The following SPAG9 variants were observed in gnomAD, a reference collection of about 807,000 sequenced individuals.
SPAG9 encodes the protein sperm associated antigen 9, also known as C-Jun-amino-terminal kinase-interacting protein 4.
Under a neutral mutation model 166.5 loss-of-function variants are expected in SPAG9, and 35 were observed. The observed-to-expected ratio is 0.21, with a 90% confidence interval of 0.16 to 0.28. The LOEUF is 0.28. Ranked by LOEUF, SPAG9 falls within the 10% of genes least tolerant of loss-of-function variation. The pLI is 1.00. For synonymous variants in SPAG9, 534 were observed against 565.5 expected (o/e 0.94, Z 0.79); for missense variants, 1,235 against 1,603.3 (o/e 0.77, Z 3.92).
intron 5 of SPAG9, among the ~76,000 whole-genome samples, chr17:51,036,695 T>A (rs898692536): frequency 2.0e-5 from 3 of 152,086 alleles, no homozygotes; most frequent in African/African-American, 7.2e-5. Context: ...GGGATGTCCT[T>A]AATGTTGCTG....
At chr17:51,012,980 C>T (rs1053074428) in intron 9 of SPAG9, among the ~76,000 whole-genome samples, 2 of 152,100 alleles carry the variant, frequency 1.3e-5, no homozygotes, top group South Asian at 2.1e-4. Context: ...ATCCACTTGC[C>T]TTGGCCTCCC....
At chr17:51,086,961 A>C (rs1315668943) in intron 1 of SPAG9, among the ~76,000 whole-genome samples, 1 of 152,170 alleles carries the variant, frequency 6.6e-6, no homozygotes, top group African/African-American at 2.4e-5. Flanking sequence ...ATAAAATGCT[A>C]ATCACTAATA....
intron 4 of SPAG9, among the ~76,000 whole-genome samples, chr17:51,043,458 T>C (rs1380600014): frequency 1.3e-5 from 2 of 152,212 alleles, no homozygotes; most frequent in Non-Finnish European, 2.9e-5. Context: ...TGACTGACCC[T>C]TATTTTAAAT....
chr17:50,995,016 TA>T, intron 18 of SPAG9, 40 bp downstream of exon 18: 1 of 1,513,784 alleles, frequency 6.6e-7, no homozygotes, highest in Non-Finnish European at 9.0e-7. Flanking sequence ...GTTAAACTCA[TA>T]GTCTCATAAA....
intron 24 of SPAG9, among the ~76,000 whole-genome samples, chr17:50,983,938 CCTAA>C (rs1028770026): frequency 1.3e-5 from 2 of 152,158 alleles, no homozygotes; most frequent in African/African-American, 4.8e-5. Context: ...TACAAAAGCA[CCTAA>C]CTGTCATCTA....
At position 51,119,511 on chromosome 17, in the gene SPAG9, G is replaced by C. The variant is rs62063016; in HGVS notation, c.303+843C>G. On this transcript the variant is annotated intron_variant, in intron 1 of 29. Coordinates refer to ENST00000262013, the MANE Select transcript of SPAG9 (RefSeq NM_001130528.3). ...AGAACTCCAAAAGGTTCACAGAGTC[G>C]AGGTGAGGGCGCCCAGGTCACTGCT... Among the ~76,000 whole-genome samples, 385 of 152,250 alleles carry C rather than the reference G, an allele frequency of 2.5e-3. 2 individuals carry two copies. The highest frequency in any genetic ancestry group is 3.7e-3 in the Admixed American group (57 of 15,278).
chr17:50,977,290 T>C, intron 26 of SPAG9, 69 bp from the exon 27 acceptor site: 1 of 954,068 alleles, frequency 1.0e-6, no homozygotes, highest in Non-Finnish European at 1.7e-6. Context: ...CCAAGTTCCT[T>C]AGAAGTAGCA....
At position 51,014,225 on chromosome 17, in the gene SPAG9, A is replaced by C. The variant is rs2045607693; in HGVS notation, c.1213+7T>G. The C allele has an allele frequency of 1.2e-6, 2 of 1,605,436 alleles. No homozygotes were observed. Among genetic ancestry groups the C allele is most frequent in the South Asian group, 2.2e-5 (2 of 89,188 alleles). Reference sequence around the variant, plus strand: ...AGTATGATATTTCTTCAGATGAGCTATCATACCTAGTAAATCTGCTCCTTC... The same window carrying C: ...AGTATGATATTTCTTCAGATGAGCTCTCATACCTAGTAAATCTGCTCCTTC... On this transcript the variant is annotated splice_region_variant and intron_variant, in intron 9 of 29. Coordinates refer to ENST00000262013, the MANE Select transcript of SPAG9 (RefSeq NM_001130528.3).
chr17:51,108,355 C>A (rs1052222778), intron 1 of SPAG9, among the ~76,000 whole-genome samples: 1 of 147,980 alleles, frequency 6.8e-6, no homozygotes, highest in Non-Finnish European at 1.5e-5. Context: ...CCACTACACT[C>A]CAGCCTAGGT....
chr17:51,117,501 G>A (rs1455923178), intron 1 of SPAG9, among the ~76,000 whole-genome samples: 2 of 151,764 alleles, frequency 1.3e-5, no homozygotes, highest in Non-Finnish European at 2.9e-5. Flanking sequence ...CACGAGGTCA[G>A]GAGATTGAGA....
chr17:51,120,533 A>G lies in SPAG9; in HGVS notation c.124T>C (p.Tyr42His). Reference sequence around the variant, plus strand: ...AGCTCTTTGACCACCTCCTCGTCATAGCGCCCGATAAGCCGCTCGAACTCG... The same window carrying G: ...AGCTCTTTGACCACCTCCTCGTCATGGCGCCCGATAAGCCGCTCGAACTCG... ...YREFERLIGR[Y>H]DEEVVKELMP... The change falls in exon 1 of 30, where the codon TAT (tyrosine) becomes CAT (histidine). Residue 42 changes from tyrosine to histidine, a missense_variant. Around this residue, in one of 6 missense-constraint regions of SPAG9, gnomAD observed 83 missense variants for 149.8 expected, o/e 0.55. Transcript: ENST00000262013. This position sits in a 1 kb window ranked among gnomAD's most constrained non-coding sequence, Gnocchi z 4.7. 2 of 1,613,808 alleles carry G rather than the reference A, an allele frequency of 1.2e-6. No homozygotes were observed. Among genetic ancestry groups the G allele is most frequent in the Non-Finnish European group, 1.7e-6 (2 of 1,179,874 alleles).
At chr17:51,112,173 C>G (rs2049131931) in intron 1 of SPAG9, among the ~76,000 whole-genome samples, 1 of 152,052 alleles carries the variant, frequency 6.6e-6, no homozygotes, top group African/African-American at 2.4e-5. Flanking sequence ...CAGAAAGTGT[C>G]TGAATGACTA....
intron 25 of SPAG9, among the ~76,000 whole-genome samples, chr17:50,980,185 C>A (rs1974492925): frequency 2.0e-5 from 3 of 152,124 alleles, no homozygotes; most frequent in African/African-American, 7.2e-5. Flanking sequence ...CAGTGCTCAA[C>A]AGAAAGATTT....
chr17:51,025,210 T>C (rs946270334), intron 6 of SPAG9, among the ~76,000 whole-genome samples: 15 of 143,462 alleles, frequency 1.0e-4, no homozygotes, highest in African/African-American at 3.9e-4. Flanking sequence ...TCCCAGGTAC[T>C]CAGGAGGCTG....
In SPAG9 at chr17:50,982,692, T is replaced by A; in HGVS notation, c.3089-20A>T. ...GCCCATCTTTAAAAAAAATAAAAGG[T>A]TATAGTAAATACATACCACCTGTTA... On this transcript the variant is annotated intron_variant, in intron 24 of 29. Coordinates refer to ENST00000262013, the MANE Select transcript of SPAG9 (RefSeq NM_001130528.3). 1 of 1,589,724 alleles carries A rather than the reference T, an allele frequency of 6.3e-7. No individual in the cohort carries two copies. Among genetic ancestry groups the A allele is most frequent in the Non-Finnish European group, 8.6e-7 (1 of 1,169,402 alleles).
rs1183142937 is a variant in SPAG9 at position 50,989,655 on chromosome 17, A to C, written c.2813+22T>G. ...TTTGTGCACTTCACCCAGTTGCCTA[A>C]GTTGATGACCCATTATTATACCTCG... On this transcript the variant is annotated intron_variant, in intron 21 of 29. Transcript: ENST00000262013. 3 of 1,605,342 alleles carry C rather than the reference A, an allele frequency of 1.9e-6. No individual in the cohort carries two copies. In the South Asian group the frequency reaches 3.3e-5, roughly 18 times the overall value.
At position 50,979,670 on chromosome 17, in the gene SPAG9, A is replaced by T. The variant is rs1974452094; in HGVS notation, c.3409+76T>A. The T allele has an allele frequency of 4.9e-6, 7 of 1,420,620 alleles. 1 individual carries two copies. The highest frequency in any genetic ancestry group is 2.8e-5 in the African/African-American group (2 of 70,986). The allele number at this position is 1,420,620 out of a possible 1,614,324, so 88.0% of individuals were successfully genotyped here. On this transcript the variant is annotated intron_variant, in intron 26 of 29. Coordinates refer to ENST00000262013, the MANE Select transcript of SPAG9 (RefSeq NM_001130528.3). ...ATCCTGGGCAACAAAGCAAGACCTC[A>T]TTTCAATAAACACATAGATAGATAA... is the stretch of plus-strand genomic sequence containing the variant.
chr17:51,056,632 T>C (rs1183497457), intron 2 of SPAG9, 150 bp from the exon 3 acceptor site: 1 of 594,152 alleles, frequency 1.7e-6, no homozygotes, highest in Admixed American at 3.1e-5. Flanking sequence ...AGTGACCTCA[T>C]TTCATTATCC....
chr17:51,037,138 T>C (rs2046617331), intron 5 of SPAG9, among the ~76,000 whole-genome samples: 1 of 152,144 alleles, frequency 6.6e-6, no homozygotes, highest in South Asian at 2.1e-4. Context: ...ACAAGGACTT[T>C]GTCACCCAGG....
Sources: allele counts gnomAD v4.1 joint callset (sites outside exome capture counted in the v4.1 genomes callset), GRCh38; gene constraint gnomAD v4.1.1; regional missense constraint gnomAD v4.1.1; non-coding constraint Gnocchi (gnomAD v3.1); transcripts MANE v1.5; gene names NCBI Gene and HGNC (gene_info 2026-07-23, HGNC 2026-07-21).